SLC1A6: variants seen among roughly 807,000 people sequenced by gnomAD.
SLC1A6 encodes solute carrier family 1 member 6, also known as excitatory amino acid transporter 4.
Under a neutral mutation model 42.1 loss-of-function variants are expected in SLC1A6, and 15 were observed. The ratio of observed to expected loss-of-function variants is 0.36; its 90% CI spans 0.24 to 0.55. SLC1A6 has a LOEUF of 0.55. SLC1A6 is among the 20% of genes least tolerant of loss of function. The probability of loss-of-function intolerance (pLI) is 0.88; values close to 1 mark genes in which losing one functional copy is unlikely to be tolerated. For missense variants in SLC1A6, 542 were observed against 772.5 expected, an observed-to-expected ratio of 0.70 and a Z score of 3.54; for synonymous variants, 317 against 319.7, an observed-to-expected ratio of 0.99 and a Z score of 0.09.
chr19:14,952,925 C>G lies in SLC1A6; in HGVS notation c.1499+3G>C. On this transcript the variant is annotated splice_donor_region_variant and intron_variant, in intron 9 of 9. Coordinates refer to ENST00000594383, the MANE Select transcript of SLC1A6 (RefSeq NM_005071.3). ...ACCAGGGTCCAGCCTAGAGAACACT[C>G]ACAGGAACCAGTCCACGGCAATGAT... is the stretch of plus-strand genomic sequence containing the variant. 1.2e-6 allele frequency: 2 copies of G among 1,613,342 alleles called. No individual in the cohort carries two copies. The highest frequency in any genetic ancestry group is 8.5e-7 in the Non-Finnish European group (1 of 1,179,590).
intron 1 of SLC1A6, chr19:14,977,148 T>G (rs769393722): frequency 1.3e-5 from 2 of 151,996 alleles, no homozygotes; most frequent in Non-Finnish European, 2.9e-5. Flanking sequence ...TGCCTGTAGA[T>G]ACCAAGGGAG....
At position 14,961,640 on chromosome 19, in the gene SLC1A6, T is replaced by C. The variant is rs112077222; in HGVS notation, c.935+362A>G. The C allele has an allele frequency of 4.4e-3, 983 of 225,376 alleles. 4 individuals carry two copies. The highest frequency in any genetic ancestry group is 5.7e-3 in the Non-Finnish European group (653 of 113,784). The allele number at this position is 225,376 out of a possible 1,614,324, so 14.0% of individuals were successfully genotyped here. A position where few individuals can be genotyped will look rare whatever the true frequency, so the allele number is the denominator to read the frequency against. ...GTAAATCAATGCATTGAAGCATGAG[T>C]ATAGATGAATAAATCACTGAATGAG... On this transcript the variant is annotated intron_variant, in intron 6 of 9. Transcript: ENST00000594383.
At chr19:14,978,972 T>C (rs1274828816) in intron 1 of SLC1A6, among the ~76,000 whole-genome samples, 1 of 148,094 alleles carries the variant, frequency 6.8e-6, no homozygotes, top group Non-Finnish European at 1.5e-5. Flanking sequence ...AAAATCATCC[T>C]CACATTTAAA....
chr19:15,006,277 G>A (rs754245502), intron 1 of SLC1A6, among the ~76,000 whole-genome samples: 10 of 152,138 alleles, frequency 6.6e-5, no homozygotes, highest in Non-Finnish European at 1.3e-4. Context: ...TCGAGATCAC[G>A]TAGACAGCAA....
intron 1 of SLC1A6, among the ~76,000 whole-genome samples, chr19:14,993,067 T>A (rs1336222339): frequency 6.6e-6 from 1 of 152,118 alleles, no homozygotes; most frequent in Non-Finnish European, 1.5e-5. Context: ...GGTCTCCCCG[T>A]CCTGATCCCC....
chr19:14,987,230 A>G (rs2145229088), intron 1 of SLC1A6, among the ~76,000 whole-genome samples: 1 of 152,146 alleles, frequency 6.6e-6, no homozygotes, highest in South Asian at 2.1e-4. Flanking sequence ...GCACTTTGGG[A>G]AGCCGAGGTG....
At chr19:14,959,251 C>G (rs571582354) in intron 6 of SLC1A6, among the ~76,000 whole-genome samples, 18 of 152,362 alleles carry the variant, frequency 1.2e-4, no homozygotes, top group African/African-American at 4.3e-4. Flanking sequence ...TTCCTCTTTT[C>G]CTCTGTTTTC....
chr19:14,995,883 C>G (rs547425898), intron 1 of SLC1A6, among the ~76,000 whole-genome samples: 1 of 151,880 alleles, frequency 6.6e-6, no homozygotes, highest in East Asian at 1.9e-4. Context: ...TAGGTTACCC[C>G]GGAAAAGAAC....
At chr19:14,960,711 T>C (rs184810796) in intron 6 of SLC1A6, among the ~76,000 whole-genome samples, 4 of 152,216 alleles carry the variant, frequency 2.6e-5, no homozygotes, top group East Asian at 3.9e-4. Context: ...ATCTGTGGAA[T>C]CTAAACAATC....
intron 1 of SLC1A6, among the ~76,000 whole-genome samples, chr19:15,000,946 C>A (rs1483324404): frequency 6.6e-6 from 1 of 152,190 alleles, no homozygotes; most frequent in African/African-American, 2.4e-5. Context: ...AGTAGATAAG[C>A]CCTTTCAACA....
At chr19:14,969,040 A>G (rs942229791) in intron 3 of SLC1A6, among the ~76,000 whole-genome samples, 1 of 152,000 alleles carries the variant, frequency 6.6e-6, no homozygotes, top group Non-Finnish European at 1.5e-5. Flanking sequence ...GGGTTTCACC[A>G]TGTTGGCCAG....
chr19:14,987,504 T>G (rs115885488), intron 1 of SLC1A6, among the ~76,000 whole-genome samples: 3,355 of 151,912 alleles, frequency 0.022, 141 homozygotes, highest in African/African-American at 0.077. Context: ...AAATAATAAT[T>G]ATAATCAGGA....
At chr19:14,986,168 A>G (rs1417270351) in intron 1 of SLC1A6, among the ~76,000 whole-genome samples, 3 of 150,834 alleles carry the variant, frequency 2.0e-5, no homozygotes, top group Non-Finnish European at 4.4e-5. Context: ...TTTTTTATCC[A>G]TACTTCCCGT....
At chr19:14,959,194 C>T (rs1415813039) in intron 6 of SLC1A6, among the ~76,000 whole-genome samples, 2 of 152,186 alleles carry the variant, frequency 1.3e-5, no homozygotes, top group Non-Finnish European at 2.9e-5. Flanking sequence ...TATACCCCTT[C>T]CTTATTTGGG....
chr19:14,964,627 G>C (rs2045553004), intron 4 of SLC1A6, among the ~76,000 whole-genome samples: 1 of 152,170 alleles, frequency 6.6e-6, no homozygotes, highest in Admixed American at 6.5e-5. Flanking sequence ...CCACAGAGCT[G>C]CTAAGAGGTG....
At position 14,993,615 on chromosome 19, in the gene SLC1A6, T is replaced by C. The variant is rs146107134; in HGVS notation, c.6+16870A>G. Among the ~76,000 whole-genome samples the C allele has an allele frequency of 2.1e-3, 323 of 152,280 alleles. 1 individual carries two copies. Among genetic ancestry groups the C allele is most frequent in the African/African-American group, 7.6e-3 (316 of 41,562 alleles). On this transcript the variant is annotated intron_variant, in intron 1 of 8. Transcript: ENST00000430939. ...GGTCAACAACTGTTTGAGGCCTGCA[T>C]GCAAGGGGTAAAGGAATTTACCAAG...
chr19:14,969,100 A>G (rs1410624833), intron 3 of SLC1A6, among the ~76,000 whole-genome samples: 5 of 152,128 alleles, frequency 3.3e-5, no homozygotes, highest in African/African-American at 1.2e-4. Context: ...TCAGCCTTCC[A>G]AAGTGCTGGG....
rs56942977 is a variant in SLC1A6, at chr19:14,988,519, G to A, written c.7-15602C>T. On this transcript the variant is annotated intron_variant, in intron 1 of 8. Coordinates refer to the SLC1A6 transcript ENST00000430939. ...AAGAAGACATACAAAATGGCCAACA[G>A]GTTCATGAAAGAAAAAATGCTGAAT... Among the ~76,000 whole-genome samples the A allele has an allele frequency of 8.7e-3, 1,325 of 152,224 alleles. 18 individuals carry two copies. The highest frequency in any genetic ancestry group is 0.03 in the African/African-American group (1,259 of 41,552).
exon 1 of SLC1A6, chr19:15,010,561 T>C (rs1034461289): frequency 1.4e-4 from 90 of 654,354 alleles, no homozygotes; most frequent in Admixed American, 9.1e-5. Context: ...GCCATGTTGC[T>C]GGAAGCAACG....
Sources: gnomAD v4.1 joint callset for allele counts (sites outside exome capture counted in the v4.1 genomes callset) on GRCh38, gnomAD v4.1.1 for gene constraint, MANE v1.5 for transcripts, NCBI Gene and HGNC (gene_info 2026-07-23, HGNC 2026-07-21) for gene names.